PPP2R2C: variants seen among roughly 807,000 people sequenced by gnomAD.
PPP2R2C encodes the protein protein phosphatase 2, regulatory subunit B, gamma.
A neutral mutation model predicts 45.3 loss-of-function variants in PPP2R2C; 10 were observed. The observed-to-expected ratio is 0.22, with a 90% confidence interval of 0.14 to 0.37. The LOEUF (loss-of-function observed/expected upper bound fraction) is 0.37, where lower values mean the gene tolerates loss of function less well. PPP2R2C is among the 10% of genes least tolerant of loss of function. The pLI, the probability that PPP2R2C is intolerant of heterozygous loss-of-function variation, is 1.00. For synonymous variants in PPP2R2C, 257 were observed against 245.4 expected (o/e 1.05, Z -0.44); for missense variants, 308 against 619.7 (o/e 0.50, Z 5.34).
chr4:6,477,077 A>AC (rs2108775571), upstream of PPP2R2C, among the ~76,000 whole-genome samples: 1 of 151,910 alleles, frequency 6.6e-6, no homozygotes, highest in Non-Finnish European at 1.5e-5. Context: ...AACATGGGAG[A>AC]CCCCGTCTCT....
At chr4:6,354,088 T>C (rs1011401841) in intron 5 of PPP2R2C, among the ~76,000 whole-genome samples, 1 of 150,360 alleles carries the variant, frequency 6.7e-6, no homozygotes, top group Non-Finnish European at 1.5e-5. Context: ...GGTTCCTCCA[T>C]CTGAACCCCT....
chr4:6,370,687 A>G (rs555711549), intron 5 of PPP2R2C, among the ~76,000 whole-genome samples: 2 of 152,338 alleles, frequency 1.3e-5, no homozygotes, highest in South Asian at 4.1e-4. Context: ...ATCAGCCCAG[A>G]GAGCCATCAC....
rs115444239 is a variant in PPP2R2C, at chr4:6,437,801, C to T, written c.70+34359G>A. Among the ~76,000 whole-genome samples the T allele has an allele frequency of 3.4e-3, 519 of 152,320 alleles. 2 individuals carry two copies. The highest frequency in any genetic ancestry group is 6.1e-3 in the Non-Finnish European group (418 of 68,022). On this transcript the variant is annotated intron_variant, in intron 1 of 8. Transcript: ENST00000382599. Reference sequence around the variant, plus strand: ...GACAACACTGTCTCCACTGTGTGTTCTTTCAGACCTAATCTCATTCAATCC... The same window carrying T: ...GACAACACTGTCTCCACTGTGTGTTTTTTCAGACCTAATCTCATTCAATCC...
At chr4:6,502,774 C>T (rs1293822228) in intron 2 of PPP2R2C, among the ~76,000 whole-genome samples, 3 of 152,074 alleles carry the variant, frequency 2.0e-5, no homozygotes, top group Non-Finnish European at 4.4e-5. Flanking sequence ...TCATTTTATC[C>T]GAGCAATACC....
At chr4:6,369,191 A>C (rs897441515) in intron 5 of PPP2R2C, among the ~76,000 whole-genome samples, 4 of 152,216 alleles carry the variant, frequency 2.6e-5, no homozygotes, top group Non-Finnish European at 5.9e-5. Flanking sequence ...ACTGGAACTA[A>C]ATCAAATTAA....
rs914289543 is a variant in PPP2R2C, at chr4:6,383,201, C to T, written c.71-2107G>A. 4.2e-6 allele frequency: 5 copies of T among 1,190,808 alleles called. No individual in the cohort carries two copies. The East Asian group carries it at 2.4e-4, about 58-fold the overall frequency. The allele number at this position is 1,190,808 out of a possible 1,614,324, so 73.8% of individuals were successfully genotyped here. The stretch of plus-strand genomic sequence containing the variant: ...ACCTGCGCAGGCTGGCCCACTGGCC[C>T]CTGAGGGGGAGGAGGAAGAGTGGGT... On this transcript the variant is annotated intron_variant, in intron 1 of 8. Transcript: ENST00000382599.
rs77065605 is a variant in PPP2R2C at position 6,384,706 on chromosome 4, T to C, written c.71-3612A>G. On this transcript the variant is annotated intron_variant, in intron 1 of 8. Coordinates refer to ENST00000382599, the MANE Select transcript of PPP2R2C (RefSeq NM_020416.4). The stretch of plus-strand genomic sequence containing the variant: ...ACCAGGCAACACACACTAATGTCTG[T>C]GGGCAATTTACAATTTATATGTCAT... 3.7e-3 allele frequency: 3,641 copies of C among 985,458 alleles called. 101 individuals are homozygous for C. In the East Asian group the frequency reaches 0.1, roughly 27 times the overall value. 61.0% of individuals were successfully genotyped at this position (985,458 alleles called of 1,614,324 possible). A position where few individuals can be genotyped will look rare whatever the true frequency, so the allele number is the denominator to read the frequency against.
At chr4:6,425,444 G>T (rs16838806) in intron 1 of PPP2R2C, among the ~76,000 whole-genome samples, 3,847 of 152,312 alleles carry the variant, frequency 0.025, 172 homozygotes, top group African/African-American at 0.088. Context: ...CATGAGTCAT[G>T]TGAGGATCCA....
chr4:6,377,022 G>C (rs1220584959), intron 3 of PPP2R2C, among the ~76,000 whole-genome samples: 1 of 152,224 alleles, frequency 6.6e-6, no homozygotes, highest in African/African-American at 2.4e-5. Flanking sequence ...TGGCTCAGTG[G>C]AGAGGTCAGA....
chr4:6,431,604 C>T (rs766322431), intron 1 of PPP2R2C, among the ~76,000 whole-genome samples: 4 of 152,208 alleles, frequency 2.6e-5, no homozygotes, highest in Non-Finnish European at 4.4e-5. Flanking sequence ...CCTTCCCTGG[C>T]TCCTCTGTGC....
In PPP2R2C at chr4:6,337,907, T is replaced by C. The variant is rs904819539; in HGVS notation, c.791-4176A>G. On this transcript the variant is annotated intron_variant, in intron 6 of 8. Coordinates refer to ENST00000382599, the MANE Select transcript of PPP2R2C (RefSeq NM_020416.4). ...ATTAATAAGCCTGAAAAACCATTCC[T>C]AAAAGTTCCTCTTTTTCTTTTTAGA... is the stretch of plus-strand genomic sequence containing the variant. Among the ~76,000 whole-genome samples, 5 of 152,166 alleles carry C rather than the reference T, an allele frequency of 3.3e-5. 1 individual carries two copies. Among genetic ancestry groups the C allele is most frequent in the African/African-American group, 1.2e-4 (5 of 41,436 alleles).
chr4:6,482,484 C>T (rs527378318), intron 2 of PPP2R2C, among the ~76,000 whole-genome samples: 6 of 152,282 alleles, frequency 3.9e-5, no homozygotes, highest in Non-Finnish European at 7.4e-5. Context: ...TTCTCTTAAG[C>T]GTCTTATAGA....
rs1711770072 is a variant in PPP2R2C at position 6,345,439 on chromosome 4, G to T, written c.790+2407C>A. Reference sequence around the variant, plus strand: ...AAATAAGGCCAAAGATGAAATCAAGGACGCAACTCAGCCAACCTTGAGATG... The same window carrying T: ...AAATAAGGCCAAAGATGAAATCAAGTACGCAACTCAGCCAACCTTGAGATG... On this transcript the variant is annotated intron_variant, in intron 6 of 8. Transcript: ENST00000382599. This position sits in a 1 kb window ranked among gnomAD's most constrained non-coding sequence, Gnocchi z 5.3. Among the ~76,000 whole-genome samples, 3 of 152,190 alleles carry T rather than the reference G, an allele frequency of 2.0e-5. No homozygotes were observed. The highest frequency in any genetic ancestry group is 2.0e-4 in the Admixed American group (3 of 15,284).
At chr4:6,490,807 C>A (rs1722680382) in intron 2 of PPP2R2C, among the ~76,000 whole-genome samples, 1 of 152,220 alleles carries the variant, frequency 6.6e-6, no homozygotes, top group Non-Finnish European at 1.5e-5. Flanking sequence ...CATGCCGCAC[C>A]CTGGGCAAAC....
intron 5 of PPP2R2C, among the ~76,000 whole-genome samples, chr4:6,355,845 T>A (rs1577100705): frequency 7.1e-6 from 1 of 140,002 alleles, no homozygotes; most frequent in African/African-American, 2.5e-5. Context: ...ACAAAAAAAA[T>A]TAGCTGGGCG....
At chr4:6,501,590 T>C (rs1723058261) in intron 2 of PPP2R2C, among the ~76,000 whole-genome samples, 1 of 152,320 alleles carries the variant, frequency 6.6e-6, no homozygotes, top group Admixed American at 6.5e-5. Flanking sequence ...CATTCATTCA[T>C]TCATTCATTC....
chr4:6,414,087 T>C (rs1718395866), intron 1 of PPP2R2C: 4 of 1,117,888 alleles, frequency 3.6e-6, no homozygotes, highest in Non-Finnish European at 3.6e-6. Context: ...TGTGTGTGTG[T>C]GTGTGTGTGT....
chr4:6,497,856 T>C (rs1486764810), intron 2 of PPP2R2C, among the ~76,000 whole-genome samples: 2 of 152,230 alleles, frequency 1.3e-5, no homozygotes, highest in East Asian at 1.9e-4. Context: ...GAAGAGGTCA[T>C]GAGAAGTGCC....
chr4:6,499,502 T>C (rs1481699091), intron 2 of PPP2R2C, among the ~76,000 whole-genome samples: 2 of 152,112 alleles, frequency 1.3e-5, no homozygotes, highest in African/African-American at 2.4e-5. Flanking sequence ...GGCACCCTCA[T>C]TGGAAAGGGA....
Sources: gnomAD v4.1 joint callset for allele counts (sites outside exome capture counted in the v4.1 genomes callset) on GRCh38, gnomAD v4.1.1 for gene constraint, Gnocchi (gnomAD v3.1) non-coding constraint, MANE v1.5 for transcripts, NCBI Gene and HGNC (gene_info 2026-07-23, HGNC 2026-07-21) for gene names.